Variants in UNC5A observed in about 807,000 individuals in gnomAD.
The protein encoded by UNC5A is netrin receptor UNC5A.
Under a neutral mutation model 87.4 loss-of-function variants are expected in UNC5A, and 20 were observed. The observed-to-expected ratio is 0.23, with a 90% confidence interval of 0.16 to 0.33. The LOEUF is 0.33. Among genes scored for constraint, UNC5A ranks in the 10% least tolerant of loss-of-function variants. The pLI is 1.00. For synonymous variants in UNC5A, 438 were observed against 482.3 expected (o/e 0.91, Z 1.20); for missense variants, 844 against 1,133.4 (o/e 0.74, Z 3.67).
Position 176,875,708 on chromosome 5 carries a change from T to C in UNC5A, c.1378+1142T>C, listed in dbSNP as rs1445754808. Reference sequence around the variant, plus strand: ...GATACCACAGAGAAGACCTGTCCCCTGCAGGCCAGCTGCTTCAGCCTCTTC... The same window carrying C: ...GATACCACAGAGAAGACCTGTCCCCCGCAGGCCAGCTGCTTCAGCCTCTTC... On this transcript the variant is annotated intron_variant, in intron 8 of 14. Coordinates refer to ENST00000329542, the MANE Select transcript of UNC5A (RefSeq NM_133369.3). This position sits in a 1 kb window ranked among gnomAD's most constrained non-coding sequence, Gnocchi z 5.2. Among the ~76,000 whole-genome samples the C allele has an allele frequency of 6.6e-6, 1 of 151,932 alleles. No individual in the cohort carries two copies. The highest frequency in any genetic ancestry group is 1.5e-5 in the Non-Finnish European group (1 of 67,970).
intron 1 of UNC5A, among the ~76,000 whole-genome samples, chr5:176,825,925 G>A (rs1374036037): frequency 6.6e-6 from 1 of 152,252 alleles, no homozygotes; most frequent in Non-Finnish European, 1.5e-5. Context: ...GTGACCATGA[G>A]GGAGCTGGAA....
At chr5:176,816,844 CTT>C (rs1756598675) in intron 1 of UNC5A, among the ~76,000 whole-genome samples, 2 of 152,226 alleles carry the variant, frequency 1.3e-5, no homozygotes, top group Non-Finnish European at 2.9e-5. Context: ...CCTTGGCTGT[CTT>C]TGTGGAAGAC....
At chr5:176,870,582 C>T (rs1304770754) in intron 6 of UNC5A, 48 bp downstream of exon 6, 1 of 1,532,990 alleles carries the variant, frequency 6.5e-7, no homozygotes, top group African/African-American at 1.4e-5. Flanking sequence ...CTGGATTGGC[C>T]TTGCCCAGCC....
intron 1 of UNC5A, among the ~76,000 whole-genome samples, chr5:176,826,447 A>C (rs771290395): frequency 2.6e-5 from 4 of 152,216 alleles, no homozygotes; most frequent in Admixed American, 6.5e-5. Flanking sequence ...AAATGAGCTT[A>C]GTCCAACCGA....
At chr5:176,831,792 C>G (rs142570702) in intron 1 of UNC5A, among the ~76,000 whole-genome samples, 1 of 152,152 alleles carries the variant, frequency 6.6e-6, no homozygotes, top group Admixed American at 6.5e-5. Context: ...GCTGTACCCA[C>G]CATCTTCCCA....
In UNC5A at chr5:176,878,378, C is replaced by T. The variant is rs1217371426; in HGVS notation, c.2004C>T (p.Leu668=). 6.2e-7 allele frequency: 1 copy of T among 1,613,626 alleles called. No homozygotes were observed. Among genetic ancestry groups the T allele is most frequent in the South Asian group, 1.1e-5 (1 of 91,082 alleles). The change falls in exon 12 of 15, where the codon CTC becomes CTT. Residue 668 remains leucine (L), a synonymous_variant. Transcript: ENST00000329542. ...DVPSSLWKSK[L]LVSYQEIPFY... is the part of the protein sequence containing the mutation. ...CCAGCTCCCTGTGGAAGAGTAAGCT[C>T]CTTGTCAGCTACCAGGTGAGGGCCA...
chr5:176,832,298 G>GT (rs1561645233), intron 1 of UNC5A, among the ~76,000 whole-genome samples: 2 of 152,194 alleles, frequency 1.3e-5, no homozygotes, highest in African/African-American at 4.8e-5. Context: ...GAAGTCAGGT[G>GT]TTTGGCTGGC....
At chr5:176,859,103 GT>G (rs1169884259) in intron 1 of UNC5A, among the ~76,000 whole-genome samples, 5,303 of 141,194 alleles carry the variant, frequency 0.038, 644 homozygotes, top group Admixed American at 0.059. Context: ...CTGCTAGAAT[GT>G]CCTTGCTAGA....
chr5:176,865,849 A>G lies in UNC5A; in HGVS notation c.293-2281A>G. On this transcript the variant is annotated intron_variant, in intron 2 of 14. Transcript: ENST00000329542. This position sits in a 1 kb window ranked among gnomAD's most constrained non-coding sequence, Gnocchi z 5.3. ...TCGTTTGCCCTCATTCCTCACCCAG[A>G]AGGCCAGGGGGCAGGGACCAAGGCC... 4 of 354,920 alleles carry G rather than the reference A, an allele frequency of 1.1e-5. No homozygotes were observed. Among genetic ancestry groups the G allele is most frequent in the Non-Finnish European group, 2.2e-5 (4 of 177,918 alleles). 22.0% of individuals were successfully genotyped at this position (354,920 alleles called of 1,614,324 possible).
Position 176,838,728 on chromosome 5 carries a change from C to T in UNC5A, c.71-23896C>T, listed in dbSNP as rs915188468. Among the ~76,000 whole-genome samples, 6 of 152,312 alleles carry T rather than the reference C, an allele frequency of 3.9e-5. No homozygotes were observed. Among genetic ancestry groups the T allele is most frequent in the African/African-American group, 1.4e-4 (6 of 41,564 alleles). On this transcript the variant is annotated intron_variant, in intron 1 of 14. Transcript: ENST00000329542. The surrounding 1 kb of genome is among the most constrained non-coding windows in gnomAD (Gnocchi z 4.2). ...TACTGGGATGACTGCAGCAGCACAGCCCTCACATCCTCACCCCACACCTTC... is the reference window on the plus strand; with the variant it reads ...TACTGGGATGACTGCAGCAGCACAGTCCTCACATCCTCACCCCACACCTTC...
At chr5:176,867,750 G>GC (rs1758009355) in intron 2 of UNC5A, among the ~76,000 whole-genome samples, 2 of 152,162 alleles carry the variant, frequency 1.3e-5, no homozygotes, top group Admixed American at 6.5e-5. Context: ...CAGCCTGTCT[G>GC]CCCCACCCCT....
chr5:176,812,113 C>T (rs570952957), intron 1 of UNC5A, among the ~76,000 whole-genome samples: 34 of 152,268 alleles, frequency 2.2e-4, no homozygotes, highest in African/African-American at 7.7e-4. Flanking sequence ...CCTCTTCTTC[C>T]CCAGGGCCTC....
intron 1 of UNC5A, among the ~76,000 whole-genome samples, chr5:176,851,653 A>C (rs1483024109): frequency 6.6e-6 from 1 of 151,792 alleles, no homozygotes; most frequent in Non-Finnish European, 1.5e-5. Flanking sequence ...AGCTCTGTGC[A>C]CCCCCCTCGG....
rs1462587396 is a variant in UNC5A, at chr5:176,878,291, G to A, written c.1917G>A (p.Glu639=). ...AGCTGGGGGGACAGCTGATCCAGGA[G>A]CCACGGGTCCTGCACTTCAAGGACA... ...EKQLGGQLIQ[E]PRVLHFKDSY... Residue 639 remains glutamate (E), a synonymous_variant, in exon 12 of 15, where the codon GAG becomes GAA. Coordinates refer to ENST00000329542, the MANE Select transcript of UNC5A (RefSeq NM_133369.3). 4 of 1,613,164 alleles carry A rather than the reference G, an allele frequency of 2.5e-6. No individual in the cohort carries two copies. Among genetic ancestry groups the A allele is most frequent in the Non-Finnish European group, 3.4e-6 (4 of 1,180,016 alleles).
chr5:176,864,330 C>A (rs144326083), intron 2 of UNC5A, among the ~76,000 whole-genome samples: 2,856 of 152,258 alleles, frequency 0.019, 45 homozygotes, highest in South Asian at 0.045. Flanking sequence ...CAGGAGACTG[C>A]GCTAAGGGGC....
rs190109868 is a variant in UNC5A, at chr5:176,822,476, G to A, written c.70+11656G>A. 5.9e-5 allele frequency among the ~76,000 whole-genome samples: 9 copies of A among 152,358 alleles called. No individual in the cohort carries two copies. In the East Asian group the frequency reaches 1.7e-3, roughly 29 times the overall value. ...ATTCTTGGATAATGAGCATTCATGA[G>A]GGGGCCTGAGAAGGAAGGTTGGCGT... On this transcript the variant is annotated intron_variant, in intron 1 of 14. Coordinates refer to ENST00000329542, the MANE Select transcript of UNC5A (RefSeq NM_133369.3).
At chr5:176,840,013 C>T (rs192289737) in intron 1 of UNC5A, among the ~76,000 whole-genome samples, 17 of 151,936 alleles carry the variant, frequency 1.1e-4, no homozygotes, top group East Asian at 7.8e-4. Context: ...CACGCCACCA[C>T]GCCCTGCTAA....
At chr5:176,846,707 T>G (rs1156281781) in intron 1 of UNC5A, among the ~76,000 whole-genome samples, 1 of 152,260 alleles carries the variant, frequency 6.6e-6, no homozygotes, top group East Asian at 1.9e-4. Context: ...CCAGGCCTGG[T>G]TTCGACCTGC....
chr5:176,859,873 G>C (rs372344248), intron 1 of UNC5A, among the ~76,000 whole-genome samples: 1 of 152,244 alleles, frequency 6.6e-6, no homozygotes, highest in African/African-American at 2.4e-5. Flanking sequence ...GTGCCCCCTG[G>C]GTCCACCGGA....
Sources: gnomAD v4.1 joint callset for allele counts (sites outside exome capture counted in the v4.1 genomes callset) on GRCh38, gnomAD v4.1.1 for gene constraint, Gnocchi (gnomAD v3.1) non-coding constraint, MANE v1.5 for transcripts, NCBI Gene and HGNC (gene_info 2026-07-23, HGNC 2026-07-21) for gene names.